Variants in LRRC37A observed in about 807,000 individuals in gnomAD.
The protein encoded by LRRC37A is leucine-rich repeat-containing protein 37A.
In LRRC37A, 3 loss-of-function variants were observed where a neutral mutation model predicts 35.4. The ratio of observed to expected loss-of-function variants is 0.08; its 90% CI spans 0.04 to 0.22. The LOEUF (loss-of-function observed/expected upper bound fraction) is 0.22. Ranked by LOEUF, LRRC37A falls within the 10% of genes least tolerant of loss-of-function variation. LRRC37A has a pLI of 1.00. For missense variants in LRRC37A, 67 were observed against 565.3 expected, an observed-to-expected ratio of 0.12 and a Z score of 8.94; for synonymous variants, 23 against 215.0, an observed-to-expected ratio of 0.11 and a Z score of 7.81.
At chr17:46,277,482 G>C in the LRRC37A span, among the ~76,000 whole-genome samples, 2 of 152,180 alleles carry the variant, frequency 1.3e-5, no homozygotes, top group African/African-American at 4.8e-5. Context: ...AATTGAACCA[G>C]AGGAATAACC....
the LRRC37A span, among the ~76,000 whole-genome samples, chr17:46,251,465 T>C: frequency 1.9e-4 from 29 of 152,136 alleles, no homozygotes; most frequent in Admixed American, 1.7e-3. Context: ...TCCATGTTGG[T>C]CAGGCTGGTC....
At chr17:46,268,643 C>A in the LRRC37A span, 1 of 1,548,864 alleles carries the variant, frequency 6.5e-7, no homozygotes, top group Non-Finnish European at 8.7e-7. Context: ...AAAGGTTTAA[C>A]CCAAAAAGGG....
chr17:46,262,802 G>A, the LRRC37A span, among the ~76,000 whole-genome samples: 21,481 of 141,156 alleles, frequency 0.15, 2,573 homozygotes, highest in East Asian at 0.42. Context: ...AAAAAAAAAA[G>A]AAAAGAAAAG....
the LRRC37A span, among the ~76,000 whole-genome samples, chr17:46,248,647 G>T: frequency 2.0e-5 from 3 of 152,006 alleles, no homozygotes; most frequent in African/African-American, 4.9e-5. Context: ...AGCCTCCTGA[G>T]TAGCTGGGAT....
At chr17:46,259,746 G>T in the LRRC37A span, 1 of 1,565,186 alleles carries the variant, frequency 6.4e-7, no homozygotes, top group East Asian at 2.4e-5. Context: ...CCTGGTACCA[G>T]AAGCGGTGCC....
the LRRC37A span, among the ~76,000 whole-genome samples, chr17:46,264,186 A>T: frequency 1.3e-5 from 2 of 148,920 alleles, no homozygotes; most frequent in Non-Finnish European, 3.0e-5. Flanking sequence ...CTGGTCTTGA[A>T]TTCTTGAGCT....
upstream of LRRC37A, among the ~76,000 whole-genome samples, chr17:46,291,970 A>C (rs1338030213): frequency 1.5e-4 from 2 of 13,392 alleles, no homozygotes; most frequent in East Asian, 0.019. Context: ...CTCAAAAAGC[A>C]AAAAAAAAAA....
chr17:46,252,093 G>C, the LRRC37A span, among the ~76,000 whole-genome samples: 1 of 152,174 alleles, frequency 6.6e-6, no homozygotes, highest in Non-Finnish European at 1.5e-5. Context: ...TTAGTAAATG[G>C]AATCATTTGG....
the LRRC37A span, chr17:46,274,821 C>G: frequency 6.6e-6 from 1 of 152,256 alleles, no homozygotes; most frequent in Non-Finnish European, 1.5e-5. Context: ...CTCGCTTCTG[C>G]CACAATAATA....
At chr17:46,282,229 A>T in the LRRC37A span, among the ~76,000 whole-genome samples, 6 of 152,056 alleles carry the variant, frequency 3.9e-5, no homozygotes, top group East Asian at 9.7e-4. Context: ...CAGCCTCCCG[A>T]GTAGCTGGGA....
the LRRC37A span, among the ~76,000 whole-genome samples, chr17:46,280,895 A>C: frequency 6.6e-6 from 1 of 152,338 alleles, no homozygotes; most frequent in South Asian, 2.1e-4. Flanking sequence ...CGCTTTTAAA[A>C]AATACCTGCC....
upstream of LRRC37A, among the ~76,000 whole-genome samples, chr17:46,291,985 A>AAAAAAAC (rs1360524355): frequency 2.6e-5 from 2 of 76,592 alleles, no homozygotes; most frequent in South Asian, 6.0e-4. Flanking sequence ...AAAAAAAAAA[A>AAAAAAAC]AAGCCAATAA....
At chr17:46,286,123 A>G in the LRRC37A span, among the ~76,000 whole-genome samples, 3 of 152,272 alleles carry the variant, frequency 2.0e-5, no homozygotes, top group Non-Finnish European at 4.4e-5. Flanking sequence ...TGTGAGTTCA[A>G]AACAGATGGG....
the LRRC37A span, among the ~76,000 whole-genome samples, chr17:46,277,653 C>CTTTCTTTCTTT: frequency 1.5e-5 from 2 of 137,862 alleles, no homozygotes; most frequent in African/African-American, 2.6e-5. Flanking sequence ...TTCTTTCTTT[C>CTTTCTTTCTTT]TTTTTTTTTT....
chr17:46,325,617 A>C (rs1162953376), intron 7 of LRRC37A, among the ~76,000 whole-genome samples: 1 of 81,222 alleles, frequency 1.2e-5, no homozygotes, highest in African/African-American at 3.1e-5. Context: ...TGTTATGATT[A>C]GGACAATTGT....
chr17:46,321,124 CAT>C (rs1406309464), intron 5 of LRRC37A, among the ~76,000 whole-genome samples: 1 of 14,078 alleles, frequency 7.1e-5, no homozygotes, highest in Non-Finnish European at 9.5e-5. Context: ...ATTTTATTGA[CAT>C]ATGAACAAAA....
At chr17:46,259,019 A>ATTTTTTTTTTTTTTTTTTTTTT in the LRRC37A span, among the ~76,000 whole-genome samples, 3 of 79,468 alleles carry the variant, frequency 3.8e-5, no homozygotes, top group Admixed American at 2.8e-4. Flanking sequence ...CACCCGGCCT[A>ATTTTTTTTTTTTTTTTTTTTTT]TTTTTTTTTT....
chr17:46,254,146 G>A, the LRRC37A span, among the ~76,000 whole-genome samples: 1 of 152,154 alleles, frequency 6.6e-6, no homozygotes, highest in Non-Finnish European at 1.5e-5. Context: ...CTTGCCTGCG[G>A]GACTTCTGCT....
chr17:46,253,876 A>G, the LRRC37A span, among the ~76,000 whole-genome samples: 19,399 of 150,838 alleles, frequency 0.13, 349 homozygotes, highest in Non-Finnish European at 0.19. Flanking sequence ...ATTGTAATTT[A>G]CAAGCTGTGA....
Sources: allele counts gnomAD v4.1 joint callset (sites outside exome capture counted in the v4.1 genomes callset), GRCh38; gene constraint gnomAD v4.1.1; transcripts MANE v1.5; gene names NCBI Gene and HGNC (gene_info 2026-07-23, HGNC 2026-07-21).